The following ANO6 variants were observed in gnomAD, a reference collection of about 807,000 sequenced individuals.
The protein encoded by ANO6 is anoctamin 6, also known as anoctamin-6.
ANO6 carries 106 observed loss-of-function variants against 117.5 expected under a neutral mutation model. The ratio of observed to expected loss-of-function variants is 0.90; its 90% CI spans 0.77 to 1.06. The LOEUF (loss-of-function observed/expected upper bound fraction) is 1.06, where lower values mean the gene tolerates loss of function less well. Among genes scored for constraint, ANO6 ranks in the 50% least tolerant of loss-of-function variants. The pLI, the probability that ANO6 is intolerant of heterozygous loss-of-function variation, is 0.00. For synonymous variants in ANO6, 367 were observed against 385.1 expected (o/e 0.95, Z 0.55); for missense variants, 955 against 1,121.1 (o/e 0.85, Z 2.12).
At chr12:45,379,960 C>T (rs1942127982) in intron 10 of ANO6, among the ~76,000 whole-genome samples, 1 of 152,200 alleles carries the variant, frequency 6.6e-6, no homozygotes, top group East Asian at 1.9e-4. Context: ...CTGTGAACCA[C>T]TTTACAGAAA....
chr12:45,289,008 T>C (rs1939008995), intron 1 of ANO6, among the ~76,000 whole-genome samples: 1 of 151,986 alleles, frequency 6.6e-6, no homozygotes, highest in South Asian at 2.1e-4. Context: ...TAGAGATATA[T>C]TGCTGAAATT....
chr12:45,227,848 T>TA (rs902331821), intron 1 of ANO6, among the ~76,000 whole-genome samples: 3 of 152,204 alleles, frequency 2.0e-5, no homozygotes, highest in Non-Finnish European at 2.9e-5. Context: ...CATTTAAAGA[T>TA]AAAGGTGGTT....
At chr12:45,327,169 CAA>C (rs146502772) in intron 2 of ANO6, among the ~76,000 whole-genome samples, 1 of 148,802 alleles carries the variant, frequency 6.7e-6, no homozygotes, top group African/African-American at 2.5e-5. Context: ...AAGCACTCCA[CAA>C]AAAAAAAGAG....
chr12:45,338,474 G>A (rs916025511), intron 3 of ANO6, among the ~76,000 whole-genome samples: 1 of 152,092 alleles, frequency 6.6e-6, no homozygotes, highest in African/African-American at 2.4e-5. Context: ...AAGAGATATG[G>A]CAGCCAGTGT....
chr12:45,433,964 A>G (rs1451270270), downstream of ANO6, among the ~76,000 whole-genome samples: 1 of 152,242 alleles, frequency 6.6e-6, no homozygotes, highest in Admixed American at 6.5e-5. Flanking sequence ...GAAAACAAAG[A>G]TAAGACAGGT....
In ANO6 at chr12:45,318,485, C is replaced by G. The variant is rs534442999; in HGVS notation, c.151-12810C>G. ...TCTGTTCTGTTCCATTGGTCGATAT[C>G]TCTGTTTTGGTACCAGTACCATGCC... On this transcript the variant is annotated intron_variant, in intron 2 of 19. Coordinates refer to ENST00000320560, the MANE Select transcript of ANO6 (RefSeq NM_001025356.3). 9.2e-5 allele frequency among the ~76,000 whole-genome samples: 14 copies of G among 152,222 alleles called. 1 individual carries two copies. The South Asian group carries it at 2.9e-3, about 32-fold the overall frequency.
chr12:45,429,137 A>G lies in ANO6; in HGVS notation c.2559A>G (p.Ser853=). 1 of 1,613,820 alleles carries G rather than the reference A, an allele frequency of 6.2e-7. No individual in the cohort carries two copies. The highest frequency in any genetic ancestry group is 1.1e-5 in the South Asian group (1 of 91,066). ...HVIYSVKFFI[S]YAIPDVSKRT... ...TCTACTCTGTGAAATTTTTCATTTC[A>G]TATGCAATTCCCGATGTATCAAAAC... Residue 853 remains serine (S), a synonymous_variant, in exon 20 of 20, where the codon TCA becomes TCG. Transcript: ENST00000320560.
intron 2 of ANO6, 95 bp downstream of exon 2, chr12:45,302,188 A>G (rs1592937675): frequency 2.9e-6 from 3 of 1,048,504 alleles, no homozygotes; most frequent in Non-Finnish European, 4.4e-6. Context: ...CATTCCTTCA[A>G]TGGCTGTAGA....
At chr12:45,435,351 C>T (rs1204821609), downstream of ANO6, among the ~76,000 whole-genome samples, 2 of 152,238 alleles carry the variant, frequency 1.3e-5, no homozygotes, top group African/African-American at 4.8e-5. Flanking sequence ...ACACCAGTGT[C>T]CTGCTCACAA....
intron 1 of ANO6, among the ~76,000 whole-genome samples, chr12:45,232,111 A>G (rs1043931206): frequency 6.6e-6 from 1 of 152,236 alleles, no homozygotes; most frequent in Non-Finnish European, 1.5e-5. Context: ...CTTGCCTCAC[A>G]ATCTTTATTC....
chr12:45,263,602 A>G (rs1024544614), intron 1 of ANO6, among the ~76,000 whole-genome samples: 60 of 151,922 alleles, frequency 3.9e-4, no homozygotes, highest in African/African-American at 1.4e-3. Flanking sequence ...TGCCTGTTTC[A>G]CCTTAAACCT....
rs148956145 is a variant in ANO6 at position 45,257,214 on chromosome 12, C to G, written c.70+40823C>G. ...TTGGCTTCTGTTCTCACATTTCTTG[C>G]ATGTTTTCTGAGGGCAGTCTCATTC... On this transcript the variant is annotated intron_variant, in intron 1 of 19. Coordinates refer to ENST00000320560, the MANE Select transcript of ANO6 (RefSeq NM_001025356.3). Among the ~76,000 whole-genome samples, 295 of 152,272 alleles carry G rather than the reference C, an allele frequency of 1.9e-3. 1 individual carries two copies. The highest frequency in any genetic ancestry group is 3.1e-3 in the Admixed American group (48 of 15,282).
rs1450701819 is a variant in ANO6 at position 45,318,554 on chromosome 12, A to G, written c.151-12741A>G. 3.9e-5 allele frequency among the ~76,000 whole-genome samples: 6 copies of G among 152,206 alleles called. No individual in the cohort carries two copies. The East Asian group carries it at 7.7e-4, about 20-fold the overall frequency. ...TTGTAGTATAGTTTGAAGTCAGGTA[A>G]TGTGATGCCTCCAGCTTTGTTCTTT... On this transcript the variant is annotated intron_variant, in intron 2 of 19. Transcript: ENST00000320560.
chr12:45,375,069 CAGAG>C (rs1055964631), intron 9 of ANO6, among the ~76,000 whole-genome samples: 2 of 151,938 alleles, frequency 1.3e-5, no homozygotes, highest in African/African-American at 2.4e-5. Context: ...AACATACAAA[CAGAG>C]AGCCAAATCA....
chr12:45,281,569 A>G (rs2137255345), intron 1 of ANO6, among the ~76,000 whole-genome samples: 1 of 152,330 alleles, frequency 6.6e-6, no homozygotes, highest in East Asian at 1.9e-4. Flanking sequence ...CTTTTAAAAC[A>G]GCCAGATCTC....
At chr12:45,378,351 T>C (rs1942084428) in intron 10 of ANO6, among the ~76,000 whole-genome samples, 1 of 152,186 alleles carries the variant, frequency 6.6e-6, no homozygotes, top group Non-Finnish European at 1.5e-5. Flanking sequence ...CTCATCATTC[T>C]CTGGGTCAGC....
At chr12:45,327,165 TC>T (rs1450830147) in intron 2 of ANO6, among the ~76,000 whole-genome samples, 1 of 151,104 alleles carries the variant, frequency 6.6e-6, no homozygotes, top group African/African-American at 2.4e-5. Flanking sequence ...TAATAAGCAC[TC>T]CACAAAAAAA....
chr12:45,264,095 G>A (rs1449427894), intron 1 of ANO6, among the ~76,000 whole-genome samples: 2 of 152,156 alleles, frequency 1.3e-5, no homozygotes, highest in African/African-American at 4.8e-5. Context: ...AGCTTGGTGG[G>A]TGTAATGAGG....
chr12:45,320,538 A>G (rs961685379), intron 2 of ANO6, among the ~76,000 whole-genome samples: 1 of 152,160 alleles, frequency 6.6e-6, no homozygotes, highest in Non-Finnish European at 1.5e-5. Flanking sequence ...TTTACTTCCA[A>G]CTACGTGGTC....
Sources: gnomAD v4.1 joint callset for allele counts (sites outside exome capture counted in the v4.1 genomes callset) on GRCh38, gnomAD v4.1.1 for gene constraint, MANE v1.5 for transcripts, NCBI Gene and HGNC (gene_info 2026-07-23, HGNC 2026-07-21) for gene names.